The following USP32 variants were observed in gnomAD, a reference collection of about 807,000 sequenced individuals.
The protein encoded by USP32 is ubiquitin carboxyl-terminal hydrolase 32.
Under a neutral mutation model 204.8 loss-of-function variants are expected in USP32, and 59 were observed. That is an observed-to-expected ratio of 0.29 (90% confidence interval 0.23 to 0.36). USP32 has a LOEUF of 0.36. Among genes scored for constraint, USP32 ranks in the 10% least tolerant of loss-of-function variants. The pLI is 1.00. For missense variants in USP32, 1,160 were observed against 1,946.4 expected, an observed-to-expected ratio of 0.60 and a Z score of 7.60; for synonymous variants, 517 against 678.4, an observed-to-expected ratio of 0.76 and a Z score of 3.70.
At chr17:60,377,360 T>C (rs1004886024) in intron 1 of USP32, among the ~76,000 whole-genome samples, 10 of 152,216 alleles carry the variant, frequency 6.6e-5, no homozygotes, top group African/African-American at 2.4e-4. Flanking sequence ...TAAAAGTGCC[T>C]ACAAAAGCAG....
Position 60,366,181 on chromosome 17 carries a change from CG to C in USP32, c.59-20574del, listed in dbSNP as rs1263758525. On this transcript the variant is annotated intron_variant, in intron 1 of 33. Transcript: ENST00000300896. ...TTTTTCTTTTTTCTTTTTTTTGAGA[CG>C]GAGTCTTGCTCTGTCGCCTAGGCTG... Among the ~76,000 whole-genome samples the C allele has an allele frequency of 4.7e-5, 7 of 150,208 alleles. No individual in the cohort carries two copies. The East Asian group carries it at 1.4e-3, about 29-fold the overall frequency.
intron 17 of USP32, among the ~76,000 whole-genome samples, chr17:60,213,935 TTTG>T (rs1360878902): frequency 1.3e-5 from 2 of 151,776 alleles, no homozygotes; most frequent in Non-Finnish European, 2.9e-5. Flanking sequence ...ATGAATACGT[TTTG>T]TTTTTTGTTT....
At chr17:60,334,766 A>G (rs2088477393) in intron 2 of USP32, among the ~76,000 whole-genome samples, 1 of 143,392 alleles carries the variant, frequency 7.0e-6, no homozygotes, top group Non-Finnish European at 1.5e-5. Context: ...TATTCTGTGT[A>G]TAAGTAGACC....
rs1476150127 is a variant in USP32 at position 60,326,909 on chromosome 17, G to A, written c.186+18572C>T. Among the ~76,000 whole-genome samples the A allele has an allele frequency of 2.0e-5, 3 of 152,200 alleles. No individual in the cohort carries two copies. The East Asian group carries it at 5.8e-4, about 29-fold the overall frequency. On this transcript the variant is annotated intron_variant, in intron 2 of 33. Coordinates refer to ENST00000300896, the MANE Select transcript of USP32 (RefSeq NM_032582.4). ...AAAGGTAAACAGTTCTCAGTCTTACGTAGATGCTAAAAAAGTTGATCTCAT... is the reference window on the plus strand; with the variant it reads ...AAAGGTAAACAGTTCTCAGTCTTACATAGATGCTAAAAAAGTTGATCTCAT...
intron 1 of USP32, among the ~76,000 whole-genome samples, chr17:60,414,472 A>G (rs1279838832): frequency 6.6e-6 from 1 of 150,904 alleles, no homozygotes; most frequent in African/African-American, 2.4e-5. Context: ...TCTGTTGCCC[A>G]GGCTGGAGTG....
At chr17:60,382,851 T>C (rs1185405289) in intron 1 of USP32, among the ~76,000 whole-genome samples, 2 of 152,298 alleles carry the variant, frequency 1.3e-5, no homozygotes, top group Middle Eastern at 3.4e-3. Flanking sequence ...ACTTACCCCA[T>C]ACTAATCTCA....
In USP32 at chr17:60,189,064, A is replaced by G. The variant is rs188415319; in HGVS notation, c.3642+1499T>C. Among the ~76,000 whole-genome samples, 281 of 152,358 alleles carry G rather than the reference A, an allele frequency of 1.8e-3. 4 individuals carry two copies. The highest frequency in any genetic ancestry group is 3.8e-4 in the Non-Finnish European group (26 of 68,032). On this transcript the variant is annotated intron_variant, in intron 29 of 33. Coordinates refer to ENST00000300896, the MANE Select transcript of USP32 (RefSeq NM_032582.4). ...GGGAAGAGATTTATAGAGCCAAATA[A>G]TTTGTCATCATTGACAGTAATGTCT...
intron 1 of USP32, among the ~76,000 whole-genome samples, chr17:60,387,908 A>G (rs183982513): frequency 3.9e-5 from 6 of 152,324 alleles, no homozygotes; most frequent in Admixed American, 3.9e-4. Flanking sequence ...TTAATACTTT[A>G]CTGAAATATG....
rs2084022222 is a variant in USP32 at position 60,178,489 on chromosome 17, A to T, written c.*766T>A. ...ATACTTGAAGTATCCTAAATGTAAGATGCCTCCACTGGGAGGGCCATGGTA... is the reference window on the plus strand; with the variant it reads ...ATACTTGAAGTATCCTAAATGTAAGTTGCCTCCACTGGGAGGGCCATGGTA... On this transcript the variant is annotated 3_prime_UTR_variant, in exon 34 of 34. Coordinates refer to ENST00000300896, the MANE Select transcript of USP32 (RefSeq NM_032582.4). Among the ~76,000 whole-genome samples, 1 of 152,178 alleles carries T rather than the reference A, an allele frequency of 6.6e-6. No homozygotes were observed. The highest frequency in any genetic ancestry group is 6.5e-5 in the Admixed American group (1 of 15,280).
At chr17:60,263,797 T>C (rs1370940040) in intron 9 of USP32, among the ~76,000 whole-genome samples, 1 of 152,228 alleles carries the variant, frequency 6.6e-6, no homozygotes, top group East Asian at 1.9e-4. Context: ...AACTCATTTC[T>C]ATTATTTGTT....
intron 1 of USP32, among the ~76,000 whole-genome samples, chr17:60,373,630 T>C (rs986252208): frequency 1.3e-5 from 2 of 151,954 alleles, no homozygotes; most frequent in Non-Finnish European, 2.9e-5. Context: ...TTGTATATTT[T>C]AGGAGAGACA....
intron 1 of USP32, among the ~76,000 whole-genome samples, chr17:60,363,211 T>C (rs1175409126): frequency 1.3e-5 from 2 of 151,686 alleles, no homozygotes; most frequent in Admixed American, 6.6e-5. Context: ...TCCCAGCACT[T>C]TGGGAGGCTG....
chr17:60,376,135 T>C (rs1331764832), intron 1 of USP32, among the ~76,000 whole-genome samples: 1 of 152,116 alleles, frequency 6.6e-6, no homozygotes, highest in Non-Finnish European at 1.5e-5. Flanking sequence ...AGCCTCAAAT[T>C]TCTGGACTCA....
At chr17:60,205,750 A>G in intron 25 of USP32, 92 bp from the exon 26 acceptor site, 1 of 1,134,106 alleles carries the variant, frequency 8.8e-7, no homozygotes, top group East Asian at 2.4e-5. Flanking sequence ...GAGACAGTGT[A>G]GTCTCTTAAC....
intron 1 of USP32, among the ~76,000 whole-genome samples, chr17:60,347,897 CG>C (rs1436858705): frequency 6.6e-6 from 1 of 150,826 alleles, no homozygotes; most frequent in African/African-American, 2.4e-5. Flanking sequence ...CTGAGGCGGG[CG>C]GATCACGAGG....
At chr17:60,227,413 G>A (rs1487707091) in intron 12 of USP32, among the ~76,000 whole-genome samples, 1 of 151,618 alleles carries the variant, frequency 6.6e-6, no homozygotes, top group Non-Finnish European at 1.5e-5. Flanking sequence ...GGAATTACAG[G>A]TGCATGCCAC....
intron 1 of USP32, among the ~76,000 whole-genome samples, chr17:60,358,372 C>T (rs983649581): frequency 6.6e-6 from 1 of 151,870 alleles, no homozygotes; most frequent in Admixed American, 6.6e-5. Context: ...GTCAGGAGTT[C>T]GAGGCCAGCC....
At chr17:60,244,033 T>G (rs931863844) in intron 11 of USP32, among the ~76,000 whole-genome samples, 2 of 133,214 alleles carry the variant, frequency 1.5e-5, no homozygotes, top group Non-Finnish European at 3.2e-5. Context: ...GATTGTGTTT[T>G]TTTTTTTTTT....
chr17:60,286,793 G>A (rs2087124350), intron 5 of USP32, among the ~76,000 whole-genome samples: 1 of 152,168 alleles, frequency 6.6e-6, no homozygotes, highest in Admixed American at 6.5e-5. Flanking sequence ...CCACTGAGCT[G>A]ATCAGACCTT....
Sources: gnomAD v4.1 joint callset for allele counts (sites outside exome capture counted in the v4.1 genomes callset) on GRCh38, gnomAD v4.1.1 for gene constraint, MANE v1.5 for transcripts, NCBI Gene and HGNC (gene_info 2026-07-23, HGNC 2026-07-21) for gene names.